BMPER: variants seen among roughly 807,000 people sequenced by gnomAD.
BMPER encodes the protein BMP-binding endothelial regulator protein.
A neutral mutation model predicts 87.3 loss-of-function variants in BMPER; 45 were observed. The observed-to-expected ratio is 0.52, with a 90% CI of 0.41 to 0.66. The LOEUF (loss-of-function observed/expected upper bound fraction) is 0.66, where lower values mean the gene tolerates loss of function less well. BMPER is among the 30% of genes least tolerant of loss of function. The probability of loss-of-function intolerance (pLI) is 0.00; values close to 1 mark genes in which losing one functional copy is unlikely to be tolerated. For synonymous variants in BMPER, 326 were observed against 316.2 expected (o/e 1.03, Z -0.33); for missense variants, 784 against 867.5 (o/e 0.90, Z 1.21).
chr7:34,096,058 C>T (rs1789522489), intron 13 of BMPER, among the ~76,000 whole-genome samples: 1 of 152,202 alleles, frequency 6.6e-6, no homozygotes, highest in African/African-American at 2.4e-5. Flanking sequence ...ACATCACCAG[C>T]AAGGCCTAGT....
At chr7:33,949,175 A>G (rs1784960621) in intron 3 of BMPER, among the ~76,000 whole-genome samples, 1 of 152,048 alleles carries the variant, frequency 6.6e-6, no homozygotes, top group Non-Finnish European at 1.5e-5. Flanking sequence ...AGTACTCATG[A>G]CTGCTTATTA....
At position 34,045,982 on chromosome 7, in the gene BMPER, A is replaced by G. The variant is rs919178050; in HGVS notation, c.577-324A>G. 6.3e-4 allele frequency among the ~76,000 whole-genome samples: 96 copies of G among 152,144 alleles called. 1 individual carries two copies. The highest frequency in any genetic ancestry group is 1.5e-4 in the Non-Finnish European group (10 of 68,018). On this transcript the variant is annotated intron_variant, in intron 6 of 14. Coordinates refer to ENST00000649409, the MANE Select transcript of BMPER (RefSeq NM_001365308.1). ...CTGGTTTTAGTACTCAAAGTTTCCA[A>G]TCCCAAGCAAACAGAGAGAGTTTTG...
chr7:34,079,734 G>A (rs61377227), intron 12 of BMPER, among the ~76,000 whole-genome samples: 9,637 of 152,262 alleles, frequency 0.063, 1,008 homozygotes, highest in African/African-American at 0.22. Context: ...GTTCTTGGCA[G>A]ACTCTGGTAT....
At chr7:34,063,743 G>A (rs1788502317) in intron 11 of BMPER, among the ~76,000 whole-genome samples, 1 of 152,194 alleles carries the variant, frequency 6.6e-6, no homozygotes, top group African/African-American at 2.4e-5. Flanking sequence ...ATGGTTCAGA[G>A]GCTGCCTTCC....
At position 34,051,847 on chromosome 7, in the gene BMPER, C is replaced by A. The variant is rs1302820940; in HGVS notation, c.677-14C>A. 1.9e-6 allele frequency: 3 copies of A among 1,596,222 alleles called. No individual in the cohort carries two copies. The African/African-American group carries it at 4.0e-5, about 21-fold the overall frequency. On this transcript the variant is annotated splice_polypyrimidine_tract_variant and intron_variant, in intron 7 of 14. Transcript: ENST00000649409. Reference sequence around the variant, plus strand: ...ATTCTGTCTTACTTACACTGTGCTTCTGTTTCTCTCTAGGTCAGAGGAAAG... The same window carrying A: ...ATTCTGTCTTACTTACACTGTGCTTATGTTTCTCTCTAGGTCAGAGGAAAG...
intron 6 of BMPER, among the ~76,000 whole-genome samples, chr7:34,000,457 T>C (rs1786550900): frequency 6.6e-6 from 1 of 152,066 alleles, no homozygotes; most frequent in African/African-American, 2.4e-5. Flanking sequence ...TCCTAGTGTG[T>C]ATTATGTTGT....
chr7:34,153,506 T>G lies in BMPER; in HGVS notation c.*233T>G. The G allele has an allele frequency of 2.0e-6, 1 of 502,124 alleles. No individual in the cohort carries two copies. 31.1% of individuals were successfully genotyped at this position (502,124 alleles called of 1,614,324 possible). On this transcript the variant is annotated 3_prime_UTR_variant, in exon 15 of 15. Coordinates refer to ENST00000649409, the MANE Select transcript of BMPER (RefSeq NM_001365308.1). ...AAGACATGTATTGTTTCTAGGATCCTAACCTGTAAGCCATTGAACATGTTG... is the reference window on the plus strand; with the variant it reads ...AAGACATGTATTGTTTCTAGGATCCGAACCTGTAAGCCATTGAACATGTTG...
At chr7:34,021,066 A>G (rs1477420832) in intron 6 of BMPER, among the ~76,000 whole-genome samples, 1 of 152,048 alleles carries the variant, frequency 6.6e-6, no homozygotes, top group African/African-American at 2.4e-5. Flanking sequence ...GCAAAAGAAA[A>G]TCACTGCCTT....
intron 6 of BMPER, among the ~76,000 whole-genome samples, chr7:33,988,737 G>A (rs954954359): frequency 2.7e-5 from 4 of 150,322 alleles, no homozygotes; most frequent in African/African-American, 7.4e-5. Context: ...CTAGCATTAC[G>A]TATATCTCCC....
At chr7:33,952,545 C>G (rs1027361528) in intron 3 of BMPER, among the ~76,000 whole-genome samples, 3 of 152,160 alleles carry the variant, frequency 2.0e-5, no homozygotes, top group Non-Finnish European at 4.4e-5. Context: ...GACACCGAAG[C>G]CCCTGCAGTC....
intron 13 of BMPER, among the ~76,000 whole-genome samples, chr7:34,119,738 A>G (rs1418118500): frequency 6.6e-6 from 1 of 152,214 alleles, no homozygotes; most frequent in Non-Finnish European, 1.5e-5. Context: ...GTGATCAGAA[A>G]AATTATAAAT....
chr7:34,047,918 C>T (rs1186976701), intron 7 of BMPER, among the ~76,000 whole-genome samples: 4 of 151,308 alleles, frequency 2.6e-5, no homozygotes, highest in South Asian at 2.1e-4. Context: ...GAGCAGATTT[C>T]GCTGAGGGTT....
chr7:33,968,728 C>G (rs1785465336), intron 4 of BMPER, among the ~76,000 whole-genome samples: 1 of 152,244 alleles, frequency 6.6e-6, no homozygotes, highest in Non-Finnish European at 1.5e-5. Flanking sequence ...GTCTAATGAT[C>G]TGGCCTAGTT....
intron 3 of BMPER, among the ~76,000 whole-genome samples, chr7:33,949,767 T>C (rs1784976034): frequency 6.6e-6 from 1 of 152,142 alleles, no homozygotes; most frequent in Admixed American, 6.5e-5. Flanking sequence ...AATACGTTTT[T>C]CAAGACAAGA....
chr7:34,062,054 T>G lies in BMPER; in HGVS notation c.1078+7T>G. On this transcript the variant is annotated splice_region_variant and intron_variant, in intron 11 of 14. Transcript: ENST00000649409. ...TGTCCTATTTGCACTGAAAGTAAGT[T>G]TATTCCTTTGAAAATGTGCTATTAG... 1 of 1,610,418 alleles carries G rather than the reference T, an allele frequency of 6.2e-7. No homozygotes were observed. The highest frequency in any genetic ancestry group is 8.5e-7 in the Non-Finnish European group (1 of 1,177,582).
intron 6 of BMPER, among the ~76,000 whole-genome samples, chr7:34,034,953 C>T (rs1787624497): frequency 6.6e-6 from 1 of 152,136 alleles, no homozygotes; most frequent in African/African-American, 2.4e-5. Flanking sequence ...CATGTCAGAA[C>T]ACTAGCTTTG....
chr7:33,994,947 A>T (rs917686453), intron 6 of BMPER, among the ~76,000 whole-genome samples: 6 of 152,176 alleles, frequency 3.9e-5, no homozygotes, highest in Non-Finnish European at 5.9e-5. Flanking sequence ...GAAGCAAATT[A>T]TTTGACTGAC....
At chr7:33,932,686 T>C (rs1372088756) in intron 2 of BMPER, among the ~76,000 whole-genome samples, 1 of 152,188 alleles carries the variant, frequency 6.6e-6, no homozygotes, top group Non-Finnish European at 1.5e-5. Flanking sequence ...ACTACCCTCA[T>C]CATATTAGCT....
At chr7:33,956,725 T>C (rs536431177) in intron 3 of BMPER, among the ~76,000 whole-genome samples, 1 of 152,228 alleles carries the variant, frequency 6.6e-6, no homozygotes, top group Non-Finnish European at 1.5e-5. Context: ...CTCTTCCTTA[T>C]GACTTTCTCA....
Sources: allele counts gnomAD v4.1 joint callset (sites outside exome capture counted in the v4.1 genomes callset), GRCh38; gene constraint gnomAD v4.1.1; transcripts MANE v1.5; gene names NCBI Gene and HGNC (gene_info 2026-07-23, HGNC 2026-07-21).